REC8: variants seen among roughly 807,000 people sequenced by gnomAD.
REC8 encodes REC8 meiotic recombination protein, also known as meiotic recombination protein REC8 homolog.
Under a neutral mutation model 78.3 loss-of-function variants are expected in REC8, and 42 were observed. That is an observed-to-expected ratio of 0.54 (90% CI 0.42 to 0.69). The LOEUF is 0.69. REC8 is among the 30% of genes least tolerant of loss of function. REC8 has a pLI of 0.00. For missense variants in REC8, 581 were observed against 715.8 expected, an observed-to-expected ratio of 0.81 and a Z score of 2.15; for synonymous variants, 268 against 274.1, an observed-to-expected ratio of 0.98 and a Z score of 0.22.
At position 24,175,544 on chromosome 14, in the gene REC8, T is replaced by C. The variant is rs771036802; in HGVS notation, c.464T>C (p.Ile155Thr). 1 of 1,613,478 alleles carries C rather than the reference T, an allele frequency of 6.2e-7. No individual in the cohort carries two copies. Among genetic ancestry groups the C allele is most frequent in the Non-Finnish European group, 8.5e-7 (1 of 1,179,428 alleles). ...RLPSPFDIPQ[I>T]RHLLEAAIPE... is the part of the protein sequence containing the mutation. ...TTTGTTTCCAATCCCTCTCCAAAGA[T>C]TCGACACCTCTTAGAGGCTGCAATC... The change falls in exon 6 of 19, where the codon ATT becomes ACT. Residue 155 changes from isoleucine to threonine, a missense_variant and splice_region_variant. Physicochemically the swap from Ile to Thr is moderately conservative, Grantham distance 89. Transcript: ENST00000611366.
rs1376078999 is a variant in REC8, at chr14:24,180,012, C to T, written c.1561C>T (p.Leu521Phe). 6.2e-7 allele frequency: 1 copy of T among 1,614,184 alleles called. No individual in the cohort carries two copies. Among genetic ancestry groups the T allele is most frequent in the Admixed American group, 1.7e-5 (1 of 60,034 alleles). ...CCCTCTCCTCGCCTCTTGACCAGTG[C>T]TCTCAGCGCAACAGATTCTTCACGT... ...AARVFYLLLVLSAQQILHVKQ... is the reference protein window; with the variant it reads ...AARVFYLLLVFSAQQILHVKQ... The change falls in exon 19 of 19, where the codon CTC becomes TTC. Residue 521 changes from leucine (L) to phenylalanine (F), a missense_variant and splice_region_variant. Coordinates refer to ENST00000611366, the MANE Select transcript of REC8 (RefSeq NM_001048205.2).
chr14:24,180,603 G>A (rs760355714), downstream of REC8: 6 of 1,611,982 alleles, frequency 3.7e-6, no homozygotes, highest in Admixed American at 6.7e-5. Context: ...AAAGGTCGGG[G>A]CTCCTAAAGC....
downstream of REC8, chr14:24,180,373 A>G: frequency 6.4e-7 from 1 of 1,556,858 alleles, no homozygotes; most frequent in Non-Finnish European, 8.7e-7. Context: ...GCAGAACTGA[A>G]CTGGGCTGAG....
At chr14:24,180,609 A>ACG, downstream of REC8, 3 of 1,611,956 alleles carry the variant, frequency 1.9e-6, no homozygotes, top group Non-Finnish European at 2.5e-6. Flanking sequence ...CGGGGCTCCT[A>ACG]AAGCCTCGCT....
intron 14 of REC8, 83 bp from the exon 15 acceptor site, chr14:24,179,002 C>A: frequency 6.3e-7 from 1 of 1,596,900 alleles, no homozygotes; most frequent in Non-Finnish European, 8.6e-7. Flanking sequence ...TGAGAGCCAA[C>A]AGCACAGGCT....
downstream of REC8, chr14:24,180,262 G>A (rs547453462): frequency 3.9e-6 from 6 of 1,545,808 alleles, no homozygotes; most frequent in African/African-American, 8.2e-5. Context: ...ACAGTATGAT[G>A]TCATGACTCA....
rs368528890 is a variant in REC8 at position 24,178,125 on chromosome 14, G to A, written c.899G>A (p.Arg300His). The change falls in exon 12 of 19, where the codon CGC (arginine) becomes CAC (histidine). Residue 300 changes from arginine to histidine, a missense_variant. Physicochemically the swap from Arg to His is conservative, Grantham distance 29 (BLOSUM62 0). Transcript: ENST00000611366. The stretch of plus-strand genomic sequence containing the variant: ...CCAGTCCCCCCACCTCCTCGCCGCC[G>A]CCGTCGTCGCCGGTTACTGTTCTGG... Reference protein sequence around the residue: ...RPPVPPPPRRRRRRRLLFWDK... With the variant: ...RPPVPPPPRRHRRRRLLFWDK... 1.3e-4 allele frequency: 209 copies of A among 1,613,672 alleles called. No individual in the cohort carries two copies. The highest frequency in any genetic ancestry group is 1.7e-4 in the Non-Finnish European group (196 of 1,179,836).
intron 10 of REC8, 55 bp from the exon 11 acceptor site, chr14:24,177,654 G>A: frequency 2.5e-6 from 4 of 1,581,692 alleles, no homozygotes; most frequent in Non-Finnish European, 3.4e-6. Context: ...TCTTGCCCTG[G>A]CATCTGCAAG....
intron 11 of REC8, 155 bp from the exon 12 acceptor site, chr14:24,177,936 G>A (rs2038973943): frequency 2.7e-6 from 4 of 1,500,294 alleles, no homozygotes; most frequent in East Asian, 2.3e-5. Context: ...GTACCCTTAT[G>A]CAAGGTATGA....
At chr14:24,180,552 G>A, downstream of REC8, 1 of 1,614,148 alleles carries the variant, frequency 6.2e-7, no homozygotes, top group Non-Finnish European at 8.5e-7. Flanking sequence ...GTCAGGAGCA[G>A]CAACAGTGCG....
downstream of REC8, chr14:24,180,385 G>T: frequency 6.4e-7 from 1 of 1,574,296 alleles, no homozygotes. Flanking sequence ...TGGGCTGAGA[G>T]GTGGTCTTAA....
At chr14:24,176,748 T>C in intron 6 of REC8, 74 bp from the exon 7 acceptor site, 2 of 1,204,038 alleles carry the variant, frequency 1.7e-6, no homozygotes, top group East Asian at 2.5e-5. Context: ...TCAGAGTCCA[T>C]GCTTTTCCTT....
At chr14:24,177,854 G>C in intron 11 of REC8, 96 bp downstream of exon 11, 1 of 1,479,652 alleles carries the variant, frequency 6.8e-7, no homozygotes, top group South Asian at 1.4e-5. Flanking sequence ...AGCTTACAGG[G>C]GTCCTTAATG....
intron 14 of REC8, 64 bp downstream of exon 14, chr14:24,178,980 CCT>C: frequency 6.2e-7 from 1 of 1,601,986 alleles, no homozygotes; most frequent in Non-Finnish European, 8.5e-7. Flanking sequence ...AGCTGGCTGC[CCT>C]CTCCTGCTAT....
intron 5 of REC8, chr14:24,175,338 G>A (rs1437586085): frequency 1.9e-6 from 1 of 522,744 alleles, no homozygotes. Context: ...CTAGATAACT[G>A]GGGTGCGGGT....
intron 6 of REC8, 138 bp from the exon 7 acceptor site, chr14:24,176,684 G>T (rs983220798): frequency 1.0e-5 from 7 of 686,678 alleles, no homozygotes; most frequent in Non-Finnish European, 1.8e-5. Context: ...TGTACCCAGG[G>T]TCAGGATGCC....
chr14:24,179,279 C>A, intron 15 of REC8, 118 bp from the exon 16 acceptor site: 1 of 1,253,352 alleles, frequency 8.0e-7, no homozygotes, highest in Non-Finnish European at 1.2e-6. Context: ...TCAGCTCTCC[C>A]ACCTATGTGC....
At chr14:24,176,323 C>T (rs1249737326) in intron 6 of REC8, among the ~76,000 whole-genome samples, 5 of 148,224 alleles carry the variant, frequency 3.4e-5, no homozygotes, top group South Asian at 2.1e-4. Flanking sequence ...TCCCAAAGTG[C>T]TGGGATTACA....
In REC8 at chr14:24,175,582, G is replaced by A; in HGVS notation, c.502G>A (p.Glu168Lys). 6.2e-7 allele frequency: 1 copy of A among 1,614,088 alleles called. No individual in the cohort carries two copies. Among genetic ancestry groups the A allele is most frequent in the Non-Finnish European group, 8.5e-7 (1 of 1,179,962 alleles). Reference sequence around the variant, plus strand: ...AGAGGCTGCAATCCCAGAGAGAGTTGAAGAGATCCCTCCTGAAGTTCCTAC... The same window carrying A: ...AGAGGCTGCAATCCCAGAGAGAGTTAAAGAGATCCCTCCTGAAGTTCCTAC... ...LLEAAIPERVEEIPPEVPTEP... is the reference protein window; with the variant it reads ...LLEAAIPERVKEIPPEVPTEP... Residue 168 changes from glutamate to lysine, a missense_variant, in exon 6 of 19, where the codon GAA becomes AAA. Glu to Lys is a moderately conservative substitution (Grantham distance 56). Coordinates refer to ENST00000611366, the MANE Select transcript of REC8 (RefSeq NM_001048205.2).
Sources: gnomAD v4.1 joint callset for allele counts (sites outside exome capture counted in the v4.1 genomes callset) on GRCh38, gnomAD v4.1.1 for gene constraint, MANE v1.5 for transcripts, NCBI Gene and HGNC (gene_info 2026-07-23, HGNC 2026-07-21) for gene names.